The following CERS6 variants were observed in gnomAD, a reference collection of about 807,000 sequenced individuals.
The protein encoded by CERS6 is LAG1 homolog, ceramide synthase 6.
CERS6 carries 26 observed loss-of-function variants against 56.8 expected under a neutral mutation model. That is an observed-to-expected ratio of 0.46 (90% confidence interval 0.34 to 0.63). The LOEUF is 0.63. Among genes scored for constraint, CERS6 ranks in the 30% least tolerant of loss-of-function variants. The pLI is 0.01. For synonymous variants in CERS6, 164 were observed against 173.3 expected (o/e 0.95, Z 0.42); for missense variants, 415 against 467.5 (o/e 0.89, Z 1.04).
At chr2:168,596,717 C>T (rs1683808610) in intron 3 of CERS6, among the ~76,000 whole-genome samples, 1 of 151,982 alleles carries the variant, frequency 6.6e-6, no homozygotes, top group Non-Finnish European at 1.5e-5. Flanking sequence ...CCATACCCGG[C>T]AAATTTGTTG....
rs1296513010 is a variant in CERS6 at position 168,456,502 on chromosome 2, T to C, written c.54T>C (p.Asn18=). 2.5e-6 allele frequency: 4 copies of C among 1,613,926 alleles called. No individual in the cohort carries two copies. Among genetic ancestry groups the C allele is most frequent in the East Asian group, 2.2e-5 (1 of 44,852 alleles). The change falls in exon 1 of 10, where the codon AAT becomes AAC. Residue 18 remains asparagine, a synonymous_variant. Transcript: ENST00000305747. This position sits in a 1 kb window ranked among gnomAD's most constrained non-coding sequence, Gnocchi z 4.1. ...ACGAGAGGTTTTGGCTCCCGCACAA[T>C]GTCACCTGGGCGGACCTGAAGAACA... ...FWNERFWLPH[N]VTWADLKNTE... is the part of the protein sequence containing the mutation.
chr2:168,547,466 A>G, intron 1 of CERS6, 130 bp from the exon 2 acceptor site: 2 of 593,290 alleles, frequency 3.4e-6, no homozygotes, highest in Non-Finnish European at 3.0e-6. Flanking sequence ...AGGAGTGTTG[A>G]CAATGTACAC....
chr2:168,693,474 A>G (rs866253963), intron 5 of CERS6, among the ~76,000 whole-genome samples: 19 of 152,050 alleles, frequency 1.2e-4, no homozygotes, highest in African/African-American at 4.3e-4. Flanking sequence ...ATTAAAACTA[A>G]AATTTACCCT....
rs1187303542 is a variant in CERS6 at position 168,456,664 on chromosome 2, A to ACGCGCGCACACACT, written c.170+54_170+67dup. On this transcript the variant is annotated intron_variant, in intron 1 of 9. Coordinates refer to ENST00000305747, the MANE Select transcript of CERS6 (RefSeq NM_203463.3). This position sits in a 1 kb window ranked among gnomAD's most constrained non-coding sequence, Gnocchi z 4.1. Reference sequence around the variant, plus strand: ...TCCTCCCCTCCCCCTGCGCACACACACGCGCGCACACACTCGCGCGCTCTC... The same window carrying ACGCGCGCACACACT: ...TCCTCCCCTCCCCCTGCGCACACACACGCGCGCACACACTCGCGCGCACACACTCGCGCGCTCTC... The ACGCGCGCACACACT allele has an allele frequency of 2.6e-6, 4 of 1,560,138 alleles. No homozygotes were observed. Among genetic ancestry groups the ACGCGCGCACACACT allele is most frequent in the South Asian group, 1.1e-5 (1 of 88,142 alleles).
At chr2:168,683,657 C>T (rs895530946) in intron 4 of CERS6, among the ~76,000 whole-genome samples, 2 of 152,160 alleles carry the variant, frequency 1.3e-5, no homozygotes, top group Non-Finnish European at 2.9e-5. Context: ...TTCATCTTTT[C>T]TTTTCTATAC....
At chr2:168,641,914 T>A (rs1438468840) in intron 4 of CERS6, among the ~76,000 whole-genome samples, 2 of 151,246 alleles carry the variant, frequency 1.3e-5, no homozygotes, top group African/African-American at 4.9e-5. Context: ...AAAGCCACTT[T>A]GCTATTTTGT....
intron 3 of CERS6, among the ~76,000 whole-genome samples, chr2:168,572,359 T>A (rs1559003396): frequency 6.6e-6 from 1 of 151,978 alleles, no homozygotes; most frequent in Admixed American, 6.6e-5. Context: ...TAAATAACAA[T>A]CCTTTGTAAT....
rs140839776 is a variant in CERS6 at position 168,682,922 on chromosome 2, G to A, written c.466-8112G>A. Among the ~76,000 whole-genome samples the A allele has an allele frequency of 1.9e-3, 291 of 152,192 alleles. 1 individual carries two copies. Among genetic ancestry groups the A allele is most frequent in the African/African-American group, 6.4e-3 (265 of 41,540 alleles). On this transcript the variant is annotated intron_variant, in intron 4 of 9. Coordinates refer to ENST00000305747, the MANE Select transcript of CERS6 (RefSeq NM_203463.3). ...CTAGAGAATCCCAAATTAAGAAAAC[G>A]TCAACCCTGTATTATTGAACAATCC...
chr2:168,733,998 T>C (rs981497490), intron 8 of CERS6, among the ~76,000 whole-genome samples: 1 of 152,210 alleles, frequency 6.6e-6, no homozygotes, highest in African/African-American at 2.4e-5. Flanking sequence ...TGTGAAATTG[T>C]ACATGTTCTC....
chr2:168,602,473 A>T (rs1683957362), intron 3 of CERS6, among the ~76,000 whole-genome samples: 1 of 152,162 alleles, frequency 6.6e-6, no homozygotes. Flanking sequence ...ACCCAGATCC[A>T]CCTACCTATG....
intron 4 of CERS6, among the ~76,000 whole-genome samples, chr2:168,661,149 G>T (rs1380925183): frequency 6.6e-6 from 1 of 152,148 alleles, no homozygotes; most frequent in Non-Finnish European, 1.5e-5. Context: ...GGATGTACAT[G>T]TGACTCAAGA....
chr2:168,636,205 A>G (rs1181402904), intron 4 of CERS6, among the ~76,000 whole-genome samples: 2 of 152,192 alleles, frequency 1.3e-5, no homozygotes, highest in Non-Finnish European at 2.9e-5. Context: ...CATTTCAGAA[A>G]ACAAAAACCA....
At chr2:168,530,125 G>T (rs1411605029) in intron 1 of CERS6, among the ~76,000 whole-genome samples, 1 of 152,224 alleles carries the variant, frequency 6.6e-6, no homozygotes, top group Non-Finnish European at 1.5e-5. Flanking sequence ...GTGCCGAGGG[G>T]TATGGTTAAA....
chr2:168,753,563 G>A (rs188797530), intron 8 of CERS6, among the ~76,000 whole-genome samples: 1 of 152,222 alleles, frequency 6.6e-6, no homozygotes, highest in Non-Finnish European at 1.5e-5. Context: ...AACTTGTGGG[G>A]CACACAGGGC....
At chr2:168,595,203 T>C (rs1057098553) in intron 3 of CERS6, among the ~76,000 whole-genome samples, 1 of 152,182 alleles carries the variant, frequency 6.6e-6, no homozygotes, top group Non-Finnish European at 1.5e-5. Flanking sequence ...TGGCTTTTAC[T>C]GGGGGAAGCA....
intron 8 of CERS6, among the ~76,000 whole-genome samples, chr2:168,736,553 A>C (rs1683723426): frequency 6.6e-6 from 1 of 152,036 alleles, no homozygotes; most frequent in Non-Finnish European, 1.5e-5. Context: ...CTGGTCTCGG[A>C]TTCCTGGCCT....
Position 168,705,606 on chromosome 2 carries a change from A to G in CERS6, c.610-9395A>G, listed in dbSNP as rs116461203. ...ATGCCATCCCAACCTGGTTGACCTG[A>G]AGAAGACTTTTTCCATCTTCTATCT... On this transcript the variant is annotated intron_variant, in intron 6 of 9. Coordinates refer to ENST00000305747, the MANE Select transcript of CERS6 (RefSeq NM_203463.3). Among the ~76,000 whole-genome samples the G allele has an allele frequency of 4.2e-3, 641 of 152,222 alleles. 5 individuals carry two copies. Among genetic ancestry groups the G allele is most frequent in the African/African-American group, 0.015 (608 of 41,540 alleles).
intron 1 of CERS6, among the ~76,000 whole-genome samples, chr2:168,512,524 A>G (rs1305811746): frequency 1.3e-5 from 2 of 151,944 alleles, no homozygotes; most frequent in Non-Finnish European, 2.9e-5. Flanking sequence ...AGTCATCATA[A>G]TCTTTTTTAA....
intron 4 of CERS6, among the ~76,000 whole-genome samples, chr2:168,663,355 G>T (rs1465529207): frequency 6.6e-6 from 1 of 151,988 alleles, no homozygotes; most frequent in Non-Finnish European, 1.5e-5. Flanking sequence ...AAATATAAAG[G>T]CAGTCAAGCA....
Sources: allele counts gnomAD v4.1 joint callset (sites outside exome capture counted in the v4.1 genomes callset), GRCh38; gene constraint gnomAD v4.1.1; non-coding constraint Gnocchi (gnomAD v3.1); transcripts MANE v1.5; gene names NCBI Gene and HGNC (gene_info 2026-07-23, HGNC 2026-07-21).